Variants in PROKR1 observed in about 807,000 individuals in gnomAD.
The protein encoded by PROKR1 is G protein-coupled receptor 73.
PROKR1 carries 21 observed loss-of-function variants against 22.8 expected under a neutral mutation model. The observed-to-expected ratio is 0.92, with a 90% CI of 0.65 to 1.32. PROKR1 has a LOEUF of 1.32. Ranked by LOEUF, PROKR1 falls within the 40% of genes most tolerant of loss-of-function variation. PROKR1 has a pLI of 0.00. For missense variants in PROKR1, 548 were observed against 514.2 expected (o/e 1.07, Z -0.64); for synonymous variants, 193 against 207.5 (o/e 0.93, Z 0.60).
At chr2:68,649,056 C>CA (rs1673249862) in intron 2 of PROKR1, among the ~76,000 whole-genome samples, 1 of 152,052 alleles carries the variant, frequency 6.6e-6, no homozygotes, top group African/African-American at 2.4e-5. Context: ...ATGTCTACAA[C>CA]AAAAAAGCAG....
At chr2:68,650,669 G>T (rs1016699964) in intron 2 of PROKR1, among the ~76,000 whole-genome samples, 5 of 152,028 alleles carry the variant, frequency 3.3e-5, no homozygotes, top group Admixed American at 3.3e-4. Flanking sequence ...AGCTCTTGGG[G>T]GGCTGACCAT....
In PROKR1 at chr2:68,654,932, A is replaced by G; in HGVS notation, c.538A>G (p.Thr180Ala). Residue 180 changes from threonine to alanine, a missense_variant, in exon 3 of 3, where the codon ACT becomes GCT. Thr to Ala is a moderately conservative substitution (Grantham distance 58). Coordinates refer to ENST00000303786, the MANE Select transcript of PROKR1 (RefSeq NM_138964.4). ...ACCACGGATGAAGTGCCAAACAGCC[A>G]CTGGCCTGATTGCCTTGGTGTGGAC... ...LRPRMKCQTA[T>A]GLIALVWTVS... The G allele has an allele frequency of 6.2e-7, 1 of 1,613,810 alleles. No homozygotes were observed. The highest frequency in any genetic ancestry group is 1.1e-5 in the South Asian group (1 of 91,084).
rs780531373 is a variant in PROKR1 at position 68,655,367 on chromosome 2, T to C, written c.973T>C (p.Tyr325His). Residue 325 changes from tyrosine to histidine, a missense_variant, in exon 3 of 3, where the codon TAC becomes CAC. By Grantham distance (83) the Tyr-to-His change is moderately conservative. Coordinates refer to ENST00000303786, the MANE Select transcript of PROKR1 (RefSeq NM_138964.4). ...VKEKHYLTAF[Y>H]IVECIAMSNS... ...GGAGAAGCACTACCTCACTGCCTTC[T>C]ACATCGTCGAGTGCATCGCCATGAG... 1.5e-5 allele frequency: 25 copies of C among 1,614,222 alleles called. No homozygotes were observed. In the Admixed American group the frequency reaches 4.2e-4, roughly 27 times the overall value.
intron 1 of PROKR1, among the ~76,000 whole-genome samples, chr2:68,644,272 G>A (rs189069485): frequency 6.6e-6 from 1 of 152,170 alleles, no homozygotes; most frequent in Non-Finnish European, 1.5e-5. Context: ...TGCTTGTAGG[G>A]GTACCCCTCC....
Position 68,655,982 on chromosome 2 carries a change from A to G in PROKR1, c.*406A>G. 1 of 285,430 alleles carries G rather than the reference A, an allele frequency of 3.5e-6. No individual in the cohort carries two copies. The allele number at this position is 285,430 out of a possible 1,614,324, so 17.7% of individuals were successfully genotyped here. On this transcript the variant is annotated 3_prime_UTR_variant, in exon 3 of 3. Transcript: ENST00000303786. Reference sequence around the variant, plus strand: ...AGAGTATCTCTGGGACTATTCTTGCACTGGACTTCATGCCTAACATTTGCA... The same window carrying G: ...AGAGTATCTCTGGGACTATTCTTGCGCTGGACTTCATGCCTAACATTTGCA...
intron 1 of PROKR1, 25 bp from the exon 2 acceptor site, chr2:68,645,637 C>A: frequency 1.2e-6 from 1 of 842,628 alleles, no homozygotes; most frequent in Non-Finnish European, 1.8e-6. Context: ...CAACATATAG[C>A]CAACTGTTTG....
Position 68,646,049 on chromosome 2 carries a change from C to A in PROKR1, c.228C>A (p.Cys76Ter). Residue 76 changes from cysteine to a stop codon, truncating the protein, a stop_gained, in exon 2 of 3, where the codon TGC becomes TGA. Coordinates refer to ENST00000303786, the MANE Select transcript of PROKR1 (RefSeq NM_138964.4). LOFTEE classifies it high-confidence loss of function. Reference sequence around the variant, plus strand: ...CCCTGGTGGGCATCATGCTGGTCTGCGGCATTGGAAACTTCATCTTTATCG... The same window carrying A: ...CCCTGGTGGGCATCATGCTGGTCTGAGGCATTGGAAACTTCATCTTTATCG... ...GMALVGIMLVCGIGNFIFIAA... is the reference protein window; with the variant it reads ...GMALVGIMLV The A allele has an allele frequency of 1.2e-6, 2 of 1,614,230 alleles. No individual in the cohort carries two copies. Among genetic ancestry groups the A allele is most frequent in the Admixed American group, 3.3e-5 (2 of 60,030 alleles).
At chr2:68,649,178 A>G (rs1673254913) in intron 2 of PROKR1, among the ~76,000 whole-genome samples, 3 of 152,172 alleles carry the variant, frequency 2.0e-5, no homozygotes, top group Non-Finnish European at 4.4e-5. Flanking sequence ...CCAGAACAGA[A>G]CTATTTATCA....
chr2:68,647,628 A>G (rs1196425544), intron 2 of PROKR1, among the ~76,000 whole-genome samples: 5 of 152,258 alleles, frequency 3.3e-5, no homozygotes, highest in African/African-American at 7.2e-5. Context: ...GATAACCTGA[A>G]AAAAGGGGGT....
Position 68,655,552 on chromosome 2 carries a change from G to C in PROKR1, c.1158G>C (p.Glu386Asp). The C allele has an allele frequency of 6.2e-7, 1 of 1,614,154 alleles. No individual in the cohort carries two copies. Among genetic ancestry groups the C allele is most frequent in the South Asian group, 1.1e-5 (1 of 91,078 alleles). The change falls in exon 3 of 3, where the codon GAG becomes GAC. Residue 386 changes from glutamate (E) to aspartate (D), a missense_variant. Transcript: ENST00000303786. ...CAATTGGGATGCCTGCCACCGAAGA[G>C]GTGGACTGCATCAGACTAAAATAAC... Reference protein sequence around the residue: ...LKTIGMPATEEVDCIRLK With the variant: ...LKTIGMPATEDVDCIRLK
At chr2:68,653,287 C>T (rs944378395) in intron 2 of PROKR1, among the ~76,000 whole-genome samples, 15 of 152,164 alleles carry the variant, frequency 9.9e-5, no homozygotes, top group Non-Finnish European at 2.2e-4. Context: ...CCAGAGTGGG[C>T]GCAACCCATC....
chr2:68,650,135 G>T (rs1673283214), intron 2 of PROKR1, among the ~76,000 whole-genome samples: 1 of 151,488 alleles, frequency 6.6e-6, no homozygotes, highest in South Asian at 2.1e-4. Flanking sequence ...GTTAGTGGGT[G>T]CAGTGCACCA....
At position 68,646,302 on chromosome 2, in the gene PROKR1, G is replaced by A. The variant is rs151015395; in HGVS notation, c.481G>A (p.Asp161Asn). The change falls in exon 2 of 3, where the codon GAC becomes AAC. Residue 161 changes from aspartate to asparagine, a missense_variant. Physicochemically the swap from Asp to Asn is conservative, Grantham distance 23. Transcript: ENST00000303786. The part of the protein sequence containing the change: ...STNALLAIAI[D>N]RYLAIVHPLR... Reference sequence around the variant, plus strand: ...CAATGCCCTGCTGGCCATCGCCATTGACAGGTGAGTGCAGCAGCAGTGGGG... The same window carrying A: ...CAATGCCCTGCTGGCCATCGCCATTAACAGGTGAGTGCAGCAGCAGTGGGG... 31 of 1,614,088 alleles carry A rather than the reference G, an allele frequency of 1.9e-5. No individual in the cohort carries two copies. Among genetic ancestry groups the A allele is most frequent in the Non-Finnish European group, 2.0e-5 (24 of 1,180,052 alleles).
Position 68,646,152 on chromosome 2 carries a change from G to T in PROKR1, c.331G>T (p.Val111Leu), listed in dbSNP as rs1459957746. The T allele has an allele frequency of 1.2e-6, 2 of 1,608,514 alleles. No individual in the cohort carries two copies. Among genetic ancestry groups the T allele is most frequent in the Non-Finnish European group, 1.7e-6 (2 of 1,176,526 alleles). Residue 111 changes from valine to leucine, a missense_variant, in exon 2 of 3, where the codon GTG becomes TTG. By Grantham distance (32) the Val-to-Leu change is conservative. Coordinates refer to ENST00000303786, the MANE Select transcript of PROKR1 (RefSeq NM_138964.4). ...IANLAISDFLVAIVCCPFEMD... is the reference protein window; with the variant it reads ...IANLAISDFLLAIVCCPFEMD... ...CAACCTGGCCATCTCTGACTTCCTGGTGGCCATTGTCTGCTGCCCCTTTGA... is the reference window on the plus strand; with the variant it reads ...CAACCTGGCCATCTCTGACTTCCTGTTGGCCATTGTCTGCTGCCCCTTTGA...
At chr2:68,644,210 G>A (rs1673125005) in intron 1 of PROKR1, among the ~76,000 whole-genome samples, 1 of 152,176 alleles carries the variant, frequency 6.6e-6, no homozygotes, top group African/African-American at 2.4e-5. Flanking sequence ...CTCCACCCCC[G>A]AAGCTTCTGT....
At chr2:68,651,952 C>T (rs1473866261) in intron 2 of PROKR1, among the ~76,000 whole-genome samples, 1 of 152,114 alleles carries the variant, frequency 6.6e-6, no homozygotes, top group African/African-American at 2.4e-5. Flanking sequence ...GATGTCAGAC[C>T]CCTTCTTAGA....
chr2:68,647,942 A>C (rs550414939), intron 2 of PROKR1, among the ~76,000 whole-genome samples: 1 of 152,204 alleles, frequency 6.6e-6, no homozygotes, highest in Non-Finnish European at 1.5e-5. Flanking sequence ...CAAGTAGAGT[A>C]TCTACTTCGT....
In PROKR1 at chr2:68,655,400, A is replaced by G. The variant is rs771055180; in HGVS notation, c.1006A>G (p.Met336Val). The G allele has an allele frequency of 2.0e-5, 32 of 1,614,166 alleles. No individual in the cohort carries two copies. Among genetic ancestry groups the G allele is most frequent in the Non-Finnish European group, 2.6e-5 (31 of 1,179,972 alleles). ...CGAGTGCATCGCCATGAGCAACAGCATGATCAACACTCTGTGCTTCGTGAC... is the reference window on the plus strand; with the variant it reads ...CGAGTGCATCGCCATGAGCAACAGCGTGATCAACACTCTGTGCTTCGTGAC... ...IVECIAMSNS[M>V]INTLCFVTVK... is the part of the protein sequence containing the mutation. Residue 336 changes from methionine to valine, a missense_variant, in exon 3 of 3, where the codon ATG becomes GTG. By Grantham distance (21) the Met-to-Val change is conservative. Coordinates refer to ENST00000303786, the MANE Select transcript of PROKR1 (RefSeq NM_138964.4).
At position 68,654,972 on chromosome 2, in the gene PROKR1, T is replaced by A. The variant is rs1169761003; in HGVS notation, c.578T>A (p.Ile193Asn). Reference sequence around the variant, plus strand: ...TTGGTGTGGACGGTGTCCATCCTGATCGCCATCCCTTCCGCCTACTTCACC... The same window carrying A: ...TTGGTGTGGACGGTGTCCATCCTGAACGCCATCCCTTCCGCCTACTTCACC... ...IALVWTVSIL[I>N]AIPSAYFTTE... Residue 193 changes from isoleucine (I) to asparagine (N), a missense_variant, in exon 3 of 3, where the codon ATC (isoleucine) becomes AAC (asparagine). Coordinates refer to ENST00000303786, the MANE Select transcript of PROKR1 (RefSeq NM_138964.4). The A allele has an allele frequency of 6.2e-7, 1 of 1,613,452 alleles. No homozygotes were observed. The highest frequency in any genetic ancestry group is 1.3e-5 in the African/African-American group (1 of 74,866).
Sources: allele counts gnomAD v4.1 joint callset (sites outside exome capture counted in the v4.1 genomes callset), GRCh38; gene constraint gnomAD v4.1.1; transcripts MANE v1.5; gene names NCBI Gene and HGNC (gene_info 2026-07-23, HGNC 2026-07-21).